TENM2: variants seen among roughly 807,000 people sequenced by gnomAD.
The protein encoded by TENM2 is teneurin-2.
TENM2 carries 52 observed loss-of-function variants against 245.2 expected under a neutral mutation model. The observed-to-expected ratio is 0.21, with a 90% CI of 0.17 to 0.27. TENM2 has a LOEUF of 0.27. TENM2 is among the 10% of genes least tolerant of loss of function. TENM2 has a pLI of 1.00. For missense variants in TENM2, 3,046 were observed against 3,666.8 expected (o/e 0.83, Z 4.37); for synonymous variants, 1,363 against 1,438.9 (o/e 0.95, Z 1.19).
chr5:167,147,708 G>A, the TENM2 span, among the ~76,000 whole-genome samples: 3 of 152,078 alleles, frequency 2.0e-5, no homozygotes, highest in South Asian at 2.1e-4. Context: ...ATTGTACTAG[G>A]TGCTAAATGT....
intron 2 of TENM2, among the ~76,000 whole-genome samples, chr5:167,781,297 C>T (rs767002531): frequency 6.6e-5 from 10 of 152,080 alleles, no homozygotes; most frequent in Non-Finnish European, 1.0e-4. Context: ...GGCCCTAAGA[C>T]ATAGAGACAA....
intron 2 of TENM2, among the ~76,000 whole-genome samples, chr5:167,650,710 G>A (rs1383240883): frequency 6.6e-6 from 1 of 152,120 alleles, no homozygotes; most frequent in Non-Finnish European, 1.5e-5. Context: ...TAAAAGGCGA[G>A]TATTTTTACT....
the TENM2 span, among the ~76,000 whole-genome samples, chr5:167,000,479 A>C: frequency 6.6e-6 from 1 of 151,726 alleles, no homozygotes; most frequent in Non-Finnish European, 1.5e-5. Flanking sequence ...CTGACCTCTA[A>C]CTACCAAACT....
intron 2 of TENM2, among the ~76,000 whole-genome samples, chr5:167,467,084 A>G (rs1036568734): frequency 6.6e-6 from 1 of 152,148 alleles, no homozygotes; most frequent in African/African-American, 2.4e-5. Context: ...ATGGCTTGGT[A>G]GTATCCCCGC....
intron 2 of TENM2, among the ~76,000 whole-genome samples, chr5:167,480,954 C>T (rs1767719412): frequency 6.6e-6 from 1 of 152,050 alleles, no homozygotes; most frequent in Non-Finnish European, 1.5e-5. Flanking sequence ...CCAGGAATTC[C>T]CATAAAAAAT....
the TENM2 span, among the ~76,000 whole-genome samples, chr5:167,235,987 C>T: frequency 8.5e-5 from 13 of 152,250 alleles, no homozygotes; most frequent in Admixed American, 2.6e-4. Context: ...AGGCAATAAT[C>T]GGTAGATATT....
chr5:167,336,807 T>C (rs985306665), intron 1 of TENM2, among the ~76,000 whole-genome samples: 4 of 147,392 alleles, frequency 2.7e-5, no homozygotes, highest in African/African-American at 9.9e-5. Flanking sequence ...TGAGTAAATA[T>C]AATGCAAATA....
At chr5:167,772,485 G>A (rs971422971) in intron 2 of TENM2, among the ~76,000 whole-genome samples, 1 of 152,084 alleles carries the variant, frequency 6.6e-6, no homozygotes, top group Non-Finnish European at 1.5e-5. Flanking sequence ...ATCCCAGTGG[G>A]CATTCTCCTA....
rs772769258 is a variant in TENM2, at chr5:168,218,598, G to A, written c.4707G>A (p.Ala1569=). 36 of 1,613,816 alleles carry A rather than the reference G, an allele frequency of 2.2e-5. No individual in the cohort carries two copies. Among genetic ancestry groups the A allele is most frequent in the Admixed American group, 5.0e-5 (3 of 59,996 alleles). The change falls in exon 23 of 29, where the codon GCG becomes GCA. Residue 1569 remains alanine, a synonymous_variant. Transcript: ENST00000518659. This position sits in a 1 kb window ranked among gnomAD's most constrained non-coding sequence, Gnocchi z 5.2. ...ACCTTGGAAATATTCGGATCAGGGC[G>A]GTCAGCAAGAACAAGCCTGTTCTTA...
intron 2 of TENM2, among the ~76,000 whole-genome samples, chr5:167,861,656 C>T (rs116388718): frequency 3.2e-4 from 49 of 152,294 alleles, no homozygotes; most frequent in Non-Finnish European, 5.4e-4. Flanking sequence ...GAAGAGCTGC[C>T]GGTTCCTTTC....
At chr5:167,706,937 C>T (rs1758569342) in intron 2 of TENM2, among the ~76,000 whole-genome samples, 1 of 148,786 alleles carries the variant, frequency 6.7e-6, no homozygotes, top group Admixed American at 6.9e-5. Flanking sequence ...ATGGCGTGAA[C>T]CCGGGAGGCG....
At chr5:167,438,314 T>G (rs983662371) in intron 2 of TENM2, among the ~76,000 whole-genome samples, 15 of 152,218 alleles carry the variant, frequency 9.9e-5, no homozygotes, top group African/African-American at 3.6e-4. Context: ...TACTTTTCCA[T>G]GTTCAAAACC....
chr5:167,800,369 A>G (rs1450175890), intron 2 of TENM2, among the ~76,000 whole-genome samples: 2 of 152,292 alleles, frequency 1.3e-5, no homozygotes, highest in East Asian at 3.9e-4. Context: ...TCTCTGAGAA[A>G]ACGAATGGAA....
At chr5:167,757,554 G>A (rs201386357) in intron 2 of TENM2, among the ~76,000 whole-genome samples, 14 of 152,252 alleles carry the variant, frequency 9.2e-5, no homozygotes, top group East Asian at 3.9e-4. Flanking sequence ...ATAAACATAC[G>A]TGTGCATGTG....
At chr5:167,668,799 C>A (rs1462502428) in intron 2 of TENM2, among the ~76,000 whole-genome samples, 3 of 151,950 alleles carry the variant, frequency 2.0e-5, no homozygotes, top group African/African-American at 7.3e-5. Context: ...TATAAAAATA[C>A]AAAAATTAGC....
intron 2 of TENM2, among the ~76,000 whole-genome samples, chr5:167,615,282 G>A (rs184760940): frequency 5.9e-5 from 9 of 152,186 alleles, no homozygotes; most frequent in East Asian, 5.8e-4. Flanking sequence ...CTTAAGAAGT[G>A]GTGGGCAGTA....
At chr5:167,953,460 C>G (rs1780279757) in intron 4 of TENM2, 1 of 153,044 alleles carries the variant, frequency 6.5e-6, no homozygotes, top group African/African-American at 2.4e-5. Context: ...TGCTTCTGTC[C>G]TTTTTTCACC....
intron 2 of TENM2, among the ~76,000 whole-genome samples, chr5:167,520,955 C>T (rs1205238856): frequency 6.9e-6 from 1 of 143,938 alleles, no homozygotes; most frequent in Admixed American, 7.1e-5. Context: ...TTTTTGGTGC[C>T]AGGTCATGTT....
chr5:167,460,296 T>G (rs1766214367), intron 2 of TENM2, among the ~76,000 whole-genome samples: 1 of 152,212 alleles, frequency 6.6e-6, no homozygotes, highest in East Asian at 1.9e-4. Flanking sequence ...TGTATTACAT[T>G]ATAGATATTA....
Sources: allele counts gnomAD v4.1 joint callset (sites outside exome capture counted in the v4.1 genomes callset), GRCh38; gene constraint gnomAD v4.1.1; non-coding constraint Gnocchi (gnomAD v3.1); transcripts MANE v1.5; gene names NCBI Gene and HGNC (gene_info 2026-07-23, HGNC 2026-07-21).